SDHC: variants seen among roughly 807,000 people sequenced by gnomAD.
SDHC encodes the protein succinate dehydrogenase cytochrome b560 subunit, mitochondrial.
A neutral mutation model predicts 22.6 loss-of-function variants in SDHC; 11 were observed. The observed-to-expected ratio is 0.49, with a 90% CI of 0.31 to 0.81. The LOEUF is 0.81. Ranked by LOEUF, SDHC falls within the 30% of genes least tolerant of loss-of-function variation. The pLI is 0.05. For missense variants in SDHC, 160 were observed against 212.0 expected (o/e 0.75, Z 1.52); for synonymous variants, 80 against 77.8 (o/e 1.03, Z -0.15).
intron 3 of SDHC, 134 bp downstream of exon 3, chr1:161,328,631 C>A: frequency 1.4e-6 from 1 of 706,344 alleles, no homozygotes; most frequent in Non-Finnish European, 2.6e-6. Context: ...GTGAACCCTT[C>A]AGGGTAGAGG....
chr1:161,341,817 C>T (rs1173236589), intron 4 of SDHC, among the ~76,000 whole-genome samples: 1 of 152,034 alleles, frequency 6.6e-6, no homozygotes, highest in Non-Finnish European at 1.5e-5. Flanking sequence ...TTGTAATTTA[C>T]TTGTTCATTG....
intron 5 of SDHC, among the ~76,000 whole-genome samples, chr1:161,361,855 A>C (rs1672524790): frequency 6.6e-6 from 1 of 151,874 alleles, no homozygotes; most frequent in Admixed American, 6.6e-5. Flanking sequence ...AAAAAAAAAA[A>C]AAAAAAAAAC....
intron 4 of SDHC, among the ~76,000 whole-genome samples, chr1:161,341,933 A>G (rs1671730356): frequency 2.0e-5 from 3 of 152,110 alleles, no homozygotes; most frequent in Non-Finnish European, 4.4e-5. Flanking sequence ...TAATTTAGTA[A>G]ATATTTGGTG....
intron 4 of SDHC, among the ~76,000 whole-genome samples, chr1:161,349,468 T>C (rs1361722663): frequency 6.6e-6 from 1 of 151,576 alleles, no homozygotes; most frequent in East Asian, 1.9e-4. Context: ...ATCTCAAAAA[T>C]AAAAATAAAT....
chr1:161,337,808 A>G (rs976907773), intron 3 of SDHC, among the ~76,000 whole-genome samples: 1 of 152,128 alleles, frequency 6.6e-6, no homozygotes, highest in Non-Finnish European at 1.5e-5. Flanking sequence ...GATTTGATTC[A>G]TCTGGTCCCA....
intron 4 of SDHC, among the ~76,000 whole-genome samples, chr1:161,344,930 A>G (rs1005173495): frequency 3.9e-5 from 6 of 152,242 alleles, no homozygotes; most frequent in Non-Finnish European, 5.9e-5. Flanking sequence ...AGTTCCAGCA[A>G]CTGTGGTCTT....
chr1:161,335,071 A>G, intron 3 of SDHC, among the ~76,000 whole-genome samples: 1 of 152,090 alleles, frequency 6.6e-6, no homozygotes, highest in East Asian at 1.9e-4. Flanking sequence ...TATGGGAGAG[A>G]TTTTTAGTCT....
intron 1 of SDHC, among the ~76,000 whole-genome samples, chr1:161,320,305 C>A (rs1392128725): frequency 1.3e-5 from 2 of 152,038 alleles, no homozygotes; most frequent in Non-Finnish European, 2.9e-5. Context: ...TTAACCAGAA[C>A]TTTTGTATAC....
At chr1:161,329,883 CT>C (rs1456572415) in intron 3 of SDHC, among the ~76,000 whole-genome samples, 1 of 152,150 alleles carries the variant, frequency 6.6e-6, no homozygotes, top group Non-Finnish European at 1.5e-5. Context: ...TAGCAGAGTC[CT>C]TCTCGCTTTG....
intron 3 of SDHC, among the ~76,000 whole-genome samples, chr1:161,331,037 C>T (rs1484951518): frequency 3.3e-5 from 5 of 150,402 alleles, no homozygotes; most frequent in African/African-American, 7.3e-5. Context: ...GGGTCTCCTG[C>T]TTGTGTCATG....
intron 3 of SDHC, among the ~76,000 whole-genome samples, chr1:161,333,868 C>A (rs1168705351): frequency 6.6e-6 from 1 of 152,190 alleles, no homozygotes; most frequent in Non-Finnish European, 1.5e-5. Context: ...TTTTAAAAAT[C>A]ATGGTCCTAA....
chr1:161,331,218 T>C (rs1478500397), intron 3 of SDHC, among the ~76,000 whole-genome samples: 1 of 152,088 alleles, frequency 6.6e-6, no homozygotes, highest in Non-Finnish European at 1.5e-5. Flanking sequence ...TCTCAGGTAT[T>C]AACATAAGGT....
intron 3 of SDHC, among the ~76,000 whole-genome samples, chr1:161,339,970 G>A (rs914751747): frequency 3.3e-5 from 5 of 151,540 alleles, no homozygotes; most frequent in Non-Finnish European, 7.4e-5. Flanking sequence ...GTGAGGCACC[G>A]CGCCTGGCCC....
chr1:161,317,405 G>A (rs1670657146), intron 1 of SDHC, among the ~76,000 whole-genome samples: 5 of 151,782 alleles, frequency 3.3e-5, no homozygotes, highest in Admixed American at 3.3e-4. Context: ...TTGTATATAT[G>A]GTGTACAACA....
chr1:161,330,996 CAAAAAA>C (rs61295520), intron 3 of SDHC, among the ~76,000 whole-genome samples: 10 of 102,248 alleles, frequency 9.8e-5, no homozygotes, highest in East Asian at 5.5e-4. Context: ...GCTCTGTTTC[CAAAAAA>C]AAAAAAAAAA....
In SDHC at chr1:161,356,683, C is replaced by G. The variant is rs1227520085; in HGVS notation, c.248C>G (p.Ser83Cys). The G allele has an allele frequency of 1.2e-6, 2 of 1,613,844 alleles. No individual in the cohort carries two copies. Among genetic ancestry groups the G allele is most frequent in the East Asian group, 2.2e-5 (1 of 44,896 alleles). Residue 83 changes from serine (S) to cysteine (C), a missense_variant, in exon 5 of 6, where the codon TCT becomes TGT. Ser to Cys is a moderately radical substitution (Grantham distance 112, BLOSUM62 -1). Transcript: ENST00000367975. ...GTGIALSAGV[S>C]LFGMSALLLP... ...TACTTGGTTTTCTCCTCAGGGGTCTCTCTTTTTGGCATGTCGGCCCTGTTA... is the reference window on the plus strand; with the variant it reads ...TACTTGGTTTTCTCCTCAGGGGTCTGTCTTTTTGGCATGTCGGCCCTGTTA...
rs112115017 is a variant in SDHC, at chr1:161,322,084, A to G, written c.21-1530A>G. On this transcript the variant is annotated intron_variant, in intron 1 of 5. Coordinates refer to ENST00000367975, the MANE Select transcript of SDHC (RefSeq NM_003001.5). The stretch of plus-strand genomic sequence containing the variant: ...TTTCTGATTTTTTTCAGATTTTGGA[A>G]TATTTGCATTATACTTAACTGGTTA... 7.9e-3 allele frequency among the ~76,000 whole-genome samples: 1,207 copies of G among 152,292 alleles called. 10 individuals carry two copies. Among genetic ancestry groups the G allele is most frequent in the African/African-American group, 0.027 (1,134 of 41,550 alleles).
At chr1:161,336,453 C>CA (rs202153153) in intron 3 of SDHC, among the ~76,000 whole-genome samples, 17,290 of 127,012 alleles carry the variant, frequency 0.14, 1,307 homozygotes, top group African/African-American at 0.24. Flanking sequence ...GGCTCCGTTT[C>CA]AAAAAAAAAA....
chr1:161,317,733 G>T (rs958831917), intron 1 of SDHC, among the ~76,000 whole-genome samples: 1 of 150,828 alleles, frequency 6.6e-6, no homozygotes, highest in African/African-American at 2.4e-5. Flanking sequence ...GGCTAATTTT[G>T]TATTTTTAGT....
Sources: gnomAD v4.1 joint callset for allele counts (sites outside exome capture counted in the v4.1 genomes callset) on GRCh38, gnomAD v4.1.1 for gene constraint, MANE v1.5 for transcripts, NCBI Gene and HGNC (gene_info 2026-07-23, HGNC 2026-07-21) for gene names.